The following ZNF217 variants were observed in gnomAD, a reference collection of about 807,000 sequenced individuals.
ZNF217 encodes the protein zinc finger protein 217.
ZNF217 carries 12 observed loss-of-function variants against 73.3 expected under a neutral mutation model. The observed-to-expected ratio is 0.16, with a 90% CI of 0.10 to 0.27. The LOEUF (loss-of-function observed/expected upper bound fraction) is 0.27. ZNF217 is among the 10% of genes least tolerant of loss of function. The pLI is 1.00. For missense variants in ZNF217, 1,195 were observed against 1,327.8 expected (o/e 0.90, Z 1.55); for synonymous variants, 588 against 516.4 (o/e 1.14, Z -1.88).
intron 1 of ZNF217, among the ~76,000 whole-genome samples, chr20:53,592,487 G>A (rs1988912586): frequency 6.6e-6 from 1 of 151,944 alleles, no homozygotes. Context: ...AACTAAACCT[G>A]GCGGAAAACT....
chr20:53,582,459 C>T lies in ZNF217; in HGVS notation c.368G>A (p.Cys123Tyr), dbSNP rs556238534. 6.5e-5 allele frequency: 105 copies of T among 1,614,046 alleles called. No homozygotes were observed. Among genetic ancestry groups the T allele is most frequent in the Non-Finnish European group, 8.7e-5 (103 of 1,180,038 alleles). The change falls in exon 2 of 6, where the codon TGC (cysteine) becomes TAC (tyrosine). Residue 123 changes from cysteine (C) to tyrosine (Y), a missense_variant. Physicochemically the swap from Cys to Tyr is radical, Grantham distance 194. Around this residue, in one of 9 missense-constraint regions of ZNF217, gnomAD observed 147 missense variants for 184.3 expected, o/e 0.80. Transcript: ENST00000371471. The surrounding 1 kb of genome is among the most constrained non-coding windows in gnomAD (Gnocchi z 4.8). The stretch of plus-strand genomic sequence containing the variant: ...CTCACAGCTAAATTCATTTTCCTTG[C>T]AATTCTTTTCCTTGGGAGGTTCTGT... ...VRTEPPKEKN[C>Y]KENEFSCEVC...
chr20:53,588,139 ATT>A (rs1397577239), intron 1 of ZNF217, among the ~76,000 whole-genome samples: 3 of 152,042 alleles, frequency 2.0e-5, no homozygotes, highest in African/African-American at 7.3e-5. Context: ...TTTAAATAGG[ATT>A]AGAGACCAAA....
intron 2 of ZNF217, among the ~76,000 whole-genome samples, chr20:53,579,183 G>C (rs575067913): frequency 3.9e-5 from 6 of 152,288 alleles, no homozygotes; most frequent in Non-Finnish European, 7.4e-5. Context: ...GGAGAAGTTA[G>C]AGTCCACTGG....
intron 4 of ZNF217, among the ~76,000 whole-genome samples, chr20:53,573,496 C>A (rs575880606): frequency 1.8e-3 from 269 of 152,228 alleles, no homozygotes; most frequent in African/African-American, 6.1e-3. Flanking sequence ...ACTCTTTAGC[C>A]CAGGCTGGAG....
Position 53,581,865 on chromosome 20 carries a change from C to T in ZNF217, c.962G>A (p.Ser321Asn). 1 of 1,614,264 alleles carries T rather than the reference C, an allele frequency of 6.2e-7. No homozygotes were observed. The highest frequency in any genetic ancestry group is 8.5e-7 in the Non-Finnish European group (1 of 1,180,048). The change falls in exon 2 of 6, where the codon AGC becomes AAC. Residue 321 changes from serine to asparagine, a missense_variant. Physicochemically the swap from Ser to Asn is conservative, Grantham distance 46 (BLOSUM62 1). This residue lies in a region of ZNF217 where 102 missense variants were observed against 91.9 expected (regional missense o/e 1.11). Transcript: ENST00000371471. The surrounding 1 kb of genome is among the most constrained non-coding windows in gnomAD (Gnocchi z 4.9). The part of the protein sequence containing the change: ...QEVKESGQEG[S>N]TDNDDSSSEK... ...GGAACTCGAATCGTCGTTGTCGGTG[C>T]TCCCTTCTTGCCCCGATTCCTTCAC...
At chr20:53,591,930 T>C (rs1159936787) in intron 1 of ZNF217, among the ~76,000 whole-genome samples, 1 of 152,264 alleles carries the variant, frequency 6.6e-6, no homozygotes, top group Non-Finnish European at 1.5e-5. Context: ...GTAAATCTCC[T>C]TCTTGACATA....
Position 53,581,477 on chromosome 20 carries a change from G to C in ZNF217, c.1350C>G (p.Pro450=), listed in dbSNP as rs1166545689. The stretch of plus-strand genomic sequence containing the variant: ...GCAGCTTACCCAGATGGATTCCTTC[G>C]GGAAGCCCATCCTCAGATCCGTCTT... The part of the protein sequence containing the change: ...GSEDGSEDGL[P]EGIHLDKNDD... The change falls in exon 2 of 6, where the codon CCC becomes CCG. Residue 450 remains proline (P), a synonymous_variant. Coordinates refer to ENST00000371471, the MANE Select transcript of ZNF217 (RefSeq NM_006526.3). The surrounding 1 kb of genome is among the most constrained non-coding windows in gnomAD (Gnocchi z 4.9). 1 of 1,609,094 alleles carries C rather than the reference G, an allele frequency of 6.2e-7. No homozygotes were observed. Among genetic ancestry groups the C allele is most frequent in the Non-Finnish European group, 8.5e-7 (1 of 1,176,342 alleles).
chr20:53,590,282 T>A (rs574229152), intron 1 of ZNF217, among the ~76,000 whole-genome samples: 2 of 152,212 alleles, frequency 1.3e-5, no homozygotes, highest in South Asian at 4.1e-4. Context: ...AATTCATTCA[T>A]TAAACATTCC....
chr20:53,578,972 T>C (rs951209766), intron 2 of ZNF217, among the ~76,000 whole-genome samples: 1 of 152,208 alleles, frequency 6.6e-6, no homozygotes, highest in Non-Finnish European at 1.5e-5. Flanking sequence ...AACTTAATCT[T>C]CAACAGAAAA....
At position 53,583,101 on chromosome 20, in the gene ZNF217, A is replaced by G. The variant is rs1326706544; in HGVS notation, c.-275T>C. ...CAAAGCATTAGTTCTCTTTGTCTCC[A>G]TTGAATGAGTGTTTCAATTGAGCAA... On this transcript the variant is annotated 5_prime_UTR_variant, in exon 2 of 6. It removes an upstream start codon present in the reference 5' UTR. Coordinates refer to ENST00000371471, the MANE Select transcript of ZNF217 (RefSeq NM_006526.3). The G allele has an allele frequency of 7.1e-6, 3 of 423,518 alleles. No individual in the cohort carries two copies. The highest frequency in any genetic ancestry group is 6.1e-5 in the African/African-American group (3 of 48,960). 26.2% of individuals were successfully genotyped at this position (423,518 alleles called of 1,614,324 possible).
At chr20:53,584,859 G>C (rs1018100219) in intron 1 of ZNF217, among the ~76,000 whole-genome samples, 1 of 152,066 alleles carries the variant, frequency 6.6e-6, no homozygotes, top group Non-Finnish European at 1.5e-5. Flanking sequence ...TAGCGTCCCA[G>C]GCAAGGTTTT....
At chr20:53,585,044 GT>G (rs369063691) in intron 1 of ZNF217, among the ~76,000 whole-genome samples, 1,876 of 63,740 alleles carry the variant, frequency 0.029, 36 homozygotes, top group African/African-American at 0.081. Context: ...GAGTTTTTTG[GT>G]TTTTTTTTTA....
At chr20:53,578,282 G>C in intron 3 of ZNF217, 52 bp downstream of exon 3, 1 of 1,274,054 alleles carries the variant, frequency 7.8e-7, no homozygotes, top group Non-Finnish European at 1.1e-6. Flanking sequence ...AAAAAAATTA[G>C]ATAACTACAT....
At chr20:53,585,270 T>C (rs1030417318) in intron 1 of ZNF217, among the ~76,000 whole-genome samples, 24 of 152,094 alleles carry the variant, frequency 1.6e-4, no homozygotes, top group African/African-American at 5.1e-4. Flanking sequence ...ATTAGAAATA[T>C]GATGTGAGGA....
At chr20:53,594,046 A>T (rs1184212995), upstream of ZNF217, among the ~76,000 whole-genome samples, 1 of 85,944 alleles carries the variant, frequency 1.2e-5, no homozygotes, top group Non-Finnish European at 2.4e-5. Flanking sequence ...ACCCCCCCCC[A>T]ACAAAAAAGG....
intron 5 of ZNF217, among the ~76,000 whole-genome samples, chr20:53,571,424 A>T (rs913833821): frequency 3.0e-5 from 3 of 100,346 alleles, no homozygotes; most frequent in Admixed American, 1.7e-4. Context: ...TTTTTTTTAG[A>T]CTGAGTCTCG....
At chr20:53,591,317 C>T (rs1282733412) in intron 1 of ZNF217, among the ~76,000 whole-genome samples, 5 of 152,180 alleles carry the variant, frequency 3.3e-5, no homozygotes, top group African/African-American at 1.2e-4. Flanking sequence ...AGTGTGTGTC[C>T]TTCACCAATA....
intron 1 of ZNF217, among the ~76,000 whole-genome samples, chr20:53,589,603 G>T (rs953253416): frequency 2.6e-5 from 4 of 152,210 alleles, no homozygotes; most frequent in Non-Finnish European, 5.9e-5. Context: ...AATGGTCCCT[G>T]TTCTTCCACT....
intron 1 of ZNF217, among the ~76,000 whole-genome samples, chr20:53,583,662 T>C (rs1988592475): frequency 6.6e-6 from 1 of 152,236 alleles, no homozygotes; most frequent in East Asian, 1.9e-4. Flanking sequence ...GAAATCTAAG[T>C]GCCCAAACAC....
Sources: allele counts gnomAD v4.1 joint callset (sites outside exome capture counted in the v4.1 genomes callset), GRCh38; gene constraint gnomAD v4.1.1; regional missense constraint gnomAD v4.1.1; non-coding constraint Gnocchi (gnomAD v3.1); transcripts MANE v1.5; gene names NCBI Gene and HGNC (gene_info 2026-07-23, HGNC 2026-07-21).